Variants in IMMP2L observed in about 807,000 individuals in gnomAD.
IMMP2L encodes inner mitochondrial membrane peptidase subunit 2.
A neutral mutation model predicts 19.3 loss-of-function variants in IMMP2L; 18 were observed. The ratio of observed to expected loss-of-function variants is 0.93; its 90% CI spans 0.64 to 1.38. IMMP2L has a LOEUF of 1.38. IMMP2L is among the 40% of genes most tolerant of loss of function. The pLI, the probability that IMMP2L is intolerant of heterozygous loss-of-function variation, is 0.00. For synonymous variants in IMMP2L, 76 were observed against 73.0 expected (o/e 1.04, Z -0.21); for missense variants, 233 against 218.2 (o/e 1.07, Z -0.43).
intron 4 of IMMP2L, among the ~76,000 whole-genome samples, chr7:110,960,881 A>G (rs981052269): frequency 1.3e-5 from 2 of 151,938 alleles, no homozygotes; most frequent in Admixed American, 1.3e-4. Context: ...AATGATCTGA[A>G]CAGTTATCTC....
At chr7:111,336,101 G>A (rs1337645526) in intron 3 of IMMP2L, among the ~76,000 whole-genome samples, 1 of 152,014 alleles carries the variant, frequency 6.6e-6, no homozygotes, top group Non-Finnish European at 1.5e-5. Context: ...CCAGGCTGGA[G>A]GGCAGAGGCA....
chr7:110,905,512 G>A (rs1812354865), intron 4 of IMMP2L, among the ~76,000 whole-genome samples: 1 of 151,926 alleles, frequency 6.6e-6, no homozygotes, highest in Admixed American at 6.6e-5. Flanking sequence ...CTGGTCTTGG[G>A]AGGTCTGCAA....
intron 3 of IMMP2L, among the ~76,000 whole-genome samples, chr7:111,435,914 C>G (rs1837117932): frequency 6.6e-6 from 1 of 151,674 alleles, no homozygotes; most frequent in Non-Finnish European, 1.5e-5. Flanking sequence ...GCTATCAGAC[C>G]CCCTATAGAT....
intron 3 of IMMP2L, among the ~76,000 whole-genome samples, chr7:111,161,714 G>T (rs1413040908): frequency 6.6e-6 from 1 of 151,948 alleles, no homozygotes; most frequent in East Asian, 1.9e-4. Context: ...ATTGTATGGA[G>T]TAACAGTATT....
intron 3 of IMMP2L, among the ~76,000 whole-genome samples, chr7:111,479,323 T>G (rs1393807811): frequency 6.6e-6 from 1 of 152,144 alleles, no homozygotes; most frequent in African/African-American, 2.4e-5. Context: ...CCTTTAGATA[T>G]ATATATTTTT....
chr7:111,562,012 G>C lies in IMMP2L; in HGVS notation c.-164C>G, dbSNP rs1454066501. 1 of 152,632 alleles carries C rather than the reference G, an allele frequency of 6.6e-6. No homozygotes were observed. The highest frequency in any genetic ancestry group is 2.4e-5 in the African/African-American group (1 of 41,476). The allele number at this position is 152,632 out of a possible 1,614,324, so 9.5% of individuals were successfully genotyped here. A position where few individuals can be genotyped will look rare whatever the true frequency, so the allele number is the denominator to read the frequency against. On this transcript the variant is annotated 5_prime_UTR_variant, in exon 1 of 6. Coordinates refer to ENST00000405709, the MANE Select transcript of IMMP2L (RefSeq NM_032549.4). ...TCCCACCACCTGCCCAACACTTCCA[G>C]GCAGAAGGCAGCGCGCCCCCACAGC...
chr7:111,113,611 C>A (rs751174925), intron 3 of IMMP2L, among the ~76,000 whole-genome samples: 1 of 151,476 alleles, frequency 6.6e-6, no homozygotes, highest in Non-Finnish European at 1.5e-5. Flanking sequence ...ATTTGGCTAT[C>A]TTCCAATAAA....
At chr7:111,455,081 A>G (rs1047484917) in intron 3 of IMMP2L, among the ~76,000 whole-genome samples, 5 of 151,906 alleles carry the variant, frequency 3.3e-5, no homozygotes, top group Middle Eastern at 3.2e-3. Context: ...TGAGCCTCAC[A>G]TTGTCTTTCT....
chr7:110,812,391 G>C (rs1802106203), intron 5 of IMMP2L, among the ~76,000 whole-genome samples: 1 of 152,042 alleles, frequency 6.6e-6, no homozygotes, highest in African/African-American at 2.4e-5. Flanking sequence ...ACAGGAGTTA[G>C]AAGGAGCCAG....
intron 3 of IMMP2L, among the ~76,000 whole-genome samples, chr7:111,415,772 C>A (rs1049971615): frequency 9.9e-5 from 15 of 151,556 alleles, no homozygotes; most frequent in African/African-American, 3.4e-4. Flanking sequence ...GAATAAAATT[C>A]TCAATTTCAA....
intron 3 of IMMP2L, among the ~76,000 whole-genome samples, chr7:111,202,141 G>GT (rs1810211295): frequency 6.6e-6 from 1 of 152,118 alleles, no homozygotes; most frequent in Non-Finnish European, 1.5e-5. Context: ...CATTCAAAGC[G>GT]TAATTGTCAC....
chr7:111,055,741 G>T (rs1215952353), intron 3 of IMMP2L, among the ~76,000 whole-genome samples: 1 of 152,200 alleles, frequency 6.6e-6, no homozygotes, highest in Non-Finnish European at 1.5e-5. Flanking sequence ...AATGGGTAGA[G>T]GGATGAGGAA....
intron 3 of IMMP2L, among the ~76,000 whole-genome samples, chr7:111,421,196 T>G (rs192333732): frequency 0.017 from 2,511 of 151,830 alleles, 117 homozygotes; most frequent in African/African-American, 0.058. Context: ...GTTGGCTGCA[T>G]AGATGTCTTC....
rs545444482 is a variant in IMMP2L, at chr7:111,109,358, C to T, written c.240-145793G>A. On this transcript the variant is annotated intron_variant, in intron 3 of 5. Coordinates refer to ENST00000405709, the MANE Select transcript of IMMP2L (RefSeq NM_032549.4). ...TCATGCTTACGAACTACAAAAGCAT[C>T]TTAATTAAGTTTTAAAAGAAAGTAT... Among the ~76,000 whole-genome samples, 81 of 151,998 alleles carry T rather than the reference C, an allele frequency of 5.3e-4. 2 individuals carry two copies. The highest frequency in any genetic ancestry group is 1.8e-3 in the African/African-American group (74 of 41,446).
intron 3 of IMMP2L, among the ~76,000 whole-genome samples, chr7:111,415,794 A>G (rs888759817): frequency 6.6e-6 from 1 of 151,786 alleles, no homozygotes; most frequent in African/African-American, 2.4e-5. Flanking sequence ...GAAATTTCAC[A>G]TAACAACTTA....
At chr7:110,946,971 C>T (rs952696306) in intron 4 of IMMP2L, among the ~76,000 whole-genome samples, 6 of 152,170 alleles carry the variant, frequency 3.9e-5, no homozygotes, top group South Asian at 2.1e-4. Flanking sequence ...CTGCCTGCTT[C>T]GGCCTCCCAA....
chr7:111,061,339 G>C (rs540952207), intron 3 of IMMP2L, among the ~76,000 whole-genome samples: 2 of 152,316 alleles, frequency 1.3e-5, no homozygotes, highest in South Asian at 2.1e-4. Flanking sequence ...CCAAACCACA[G>C]AGGGCCTTGA....
chr7:111,439,745 G>C (rs977869212), intron 3 of IMMP2L, among the ~76,000 whole-genome samples: 2 of 151,824 alleles, frequency 1.3e-5, no homozygotes, highest in African/African-American at 4.9e-5. Context: ...GAAGCTTGCT[G>C]CATCAATTGG....
chr7:111,352,419 G>A (rs906764361), intron 3 of IMMP2L, among the ~76,000 whole-genome samples: 22 of 148,066 alleles, frequency 1.5e-4, no homozygotes, highest in Non-Finnish European at 3.1e-4. Context: ...GTGTTGACCA[G>A]GCTGATCTAA....
Sources: gnomAD v4.1 joint callset for allele counts (sites outside exome capture counted in the v4.1 genomes callset) on GRCh38, gnomAD v4.1.1 for gene constraint, MANE v1.5 for transcripts, NCBI Gene and HGNC (gene_info 2026-07-23, HGNC 2026-07-21) for gene names.